The following SNED1 variants were observed in gnomAD, a reference collection of about 807,000 sequenced individuals.
SNED1 encodes the protein sushi, nidogen and EGF-like domain-containing protein 1.
Under a neutral mutation model 166.7 loss-of-function variants are expected in SNED1, and 81 were observed. That is an observed-to-expected ratio of 0.49 (90% CI 0.41 to 0.58). SNED1 has a LOEUF of 0.58. Ranked by LOEUF, SNED1 falls within the 20% of genes least tolerant of loss-of-function variation. The pLI is 0.00. For synonymous variants in SNED1, 762 were observed against 822.0 expected (o/e 0.93, Z 1.25); for missense variants, 1,604 against 2,000.2 (o/e 0.80, Z 3.78).
In SNED1 at chr2:241,091,366, G is replaced by A. The variant is rs912725572; in HGVS notation, c.*2-272G>A. ...TTTCACATTTAAAAGTTGCAATGCTGAGCCCACATGTTCCTAAAGATGGGG... is the reference window on the plus strand; with the variant it reads ...TTTCACATTTAAAAGTTGCAATGCTAAGCCCACATGTTCCTAAAGATGGGG... On this transcript the variant is annotated intron_variant, in intron 31 of 31. Transcript: ENST00000310397. This position sits in a 1 kb window ranked among gnomAD's most constrained non-coding sequence, Gnocchi z 4.1. Among the ~76,000 whole-genome samples, 3 of 151,896 alleles carry A rather than the reference G, an allele frequency of 2.0e-5. No individual in the cohort carries two copies. The highest frequency in any genetic ancestry group is 7.3e-5 in the African/African-American group (3 of 41,242).
At chr2:241,014,364 T>C (rs1341526186) in intron 1 of SNED1, among the ~76,000 whole-genome samples, 1 of 152,158 alleles carries the variant, frequency 6.6e-6, no homozygotes, top group African/African-American at 2.4e-5. Flanking sequence ...AAGTCCACAT[T>C]TGTGTCAAGT....
In SNED1 at chr2:241,094,182, G is replaced by A; in HGVS notation, c.*2546G>A. The A allele has an allele frequency of 2.5e-6, 1 of 392,884 alleles. No individual in the cohort carries two copies. Among genetic ancestry groups the A allele is most frequent in the South Asian group, 1.9e-5 (1 of 52,560 alleles). The allele number at this position is 392,884 out of a possible 1,614,324, so 24.3% of individuals were successfully genotyped here. ...ACTCTCCCTTTTCCCCATTGCGTGTGGGCTGCCAGGTACAAGTAAGGGAAT... is the reference window on the plus strand; with the variant it reads ...ACTCTCCCTTTTCCCCATTGCGTGTAGGCTGCCAGGTACAAGTAAGGGAAT... On this transcript the variant is annotated 3_prime_UTR_variant, in exon 32 of 32. Transcript: ENST00000310397. This position sits in a 1 kb window ranked among gnomAD's most constrained non-coding sequence, Gnocchi z 4.3.
intron 15 of SNED1, among the ~76,000 whole-genome samples, chr2:241,052,750 C>T (rs1474402316): frequency 5.0e-5 from 2 of 40,352 alleles, no homozygotes; most frequent in African/African-American, 9.9e-5. Flanking sequence ...GTGAGAGGGC[C>T]GGGGGGCCAA....
chr2:241,009,522 G>A (rs1206979035), intron 1 of SNED1, among the ~76,000 whole-genome samples: 1 of 152,148 alleles, frequency 6.6e-6, no homozygotes. Flanking sequence ...GGCTGTGAGG[G>A]CAGCAAGAGG....
At chr2:241,031,612 G>T (rs1048976459) in intron 2 of SNED1, among the ~76,000 whole-genome samples, 33 of 152,192 alleles carry the variant, frequency 2.2e-4, no homozygotes, top group African/African-American at 8.0e-4. Context: ...ACAGAAAGTG[G>T]ACAGTTCAGC....
At chr2:241,063,961 C>A in intron 18 of SNED1, 51 bp from the exon 19 acceptor site, 1 of 1,324,064 alleles carries the variant, frequency 7.6e-7, no homozygotes, top group Non-Finnish European at 1.1e-6. Flanking sequence ...TCTCCTCCCT[C>A]CCCCAGACTC....
chr2:241,090,091 T>C lies in SNED1; in HGVS notation c.*2-1547T>C, dbSNP rs562979308. On this transcript the variant is annotated intron_variant, in intron 31 of 31. Coordinates refer to ENST00000310397, the MANE Select transcript of SNED1 (RefSeq NM_001080437.3). ...AGCTTACTGTAACTTTTTTACTTTA[T>C]ACATTTTTAATTTTTACTTTTTAAC... 3.2e-4 allele frequency: 475 copies of C among 1,507,924 alleles called. 19 individuals are homozygous for C. In the South Asian group the frequency reaches 5.3e-3, roughly 17 times the overall value. 93.4% of individuals were successfully genotyped at this position (1,507,924 alleles called of 1,614,324 possible). A position where few individuals can be genotyped will look rare whatever the true frequency, so the allele number is the denominator to read the frequency against.
chr2:241,078,120 C>A (rs771545204), intron 27 of SNED1, among the ~76,000 whole-genome samples: 1 of 152,142 alleles, frequency 6.6e-6, no homozygotes, highest in Non-Finnish European at 1.5e-5. Context: ...CGCGGTGGCT[C>A]ACGCCTGTAA....
chr2:241,016,731 A>G (rs1301671263), intron 1 of SNED1, among the ~76,000 whole-genome samples: 1 of 152,070 alleles, frequency 6.6e-6, no homozygotes, highest in Non-Finnish European at 1.5e-5. Flanking sequence ...TGGTGATGCT[A>G]TATGGACCTA....
At chr2:241,050,478 C>T (rs969132815) in intron 12 of SNED1, among the ~76,000 whole-genome samples, 3 of 152,104 alleles carry the variant, frequency 2.0e-5, no homozygotes, top group Non-Finnish European at 4.4e-5. Flanking sequence ...GCTGCCTGAC[C>T]GCAGAGTGAC....
intron 1 of SNED1, among the ~76,000 whole-genome samples, chr2:241,001,334 T>C (rs546809386): frequency 9.8e-5 from 15 of 152,374 alleles, no homozygotes; most frequent in African/African-American, 3.6e-4. Context: ...GCTTCTTCTG[T>C]CTTCATCAGA....
intron 27 of SNED1, among the ~76,000 whole-genome samples, chr2:241,081,287 C>T (rs1041659699): frequency 2.0e-5 from 3 of 151,956 alleles, no homozygotes; most frequent in African/African-American, 7.3e-5. Context: ...AGGATCCAAG[C>T]AGCAGAAACC....
chr2:241,054,159 C>CT (rs2061969249), intron 16 of SNED1, among the ~76,000 whole-genome samples: 1 of 152,084 alleles, frequency 6.6e-6, no homozygotes, highest in Non-Finnish European at 1.5e-5. Context: ...TCCTGACTGT[C>CT]TTGGAGATGA....
chr2:241,043,328 A>G (rs142510256), intron 8 of SNED1, among the ~76,000 whole-genome samples: 1 of 152,340 alleles, frequency 6.6e-6, no homozygotes, highest in East Asian at 1.9e-4. Context: ...GTCAAAAACA[A>G]TGCAAGCCAG....
At chr2:241,071,244 C>T (rs1029686849) in intron 24 of SNED1, among the ~76,000 whole-genome samples, 21 of 152,300 alleles carry the variant, frequency 1.4e-4, no homozygotes, top group African/African-American at 5.1e-4. Flanking sequence ...AGCCTGGGAC[C>T]TGAGTCCGAG....
At chr2:241,057,305 G>A (rs2062077764) in intron 16 of SNED1, among the ~76,000 whole-genome samples, 1 of 150,720 alleles carries the variant, frequency 6.6e-6, no homozygotes, top group Non-Finnish European at 1.5e-5. Flanking sequence ...CTTGAACCTC[G>A]GAGGCGGAGG....
At chr2:241,014,761 T>C (rs959394402) in intron 1 of SNED1, among the ~76,000 whole-genome samples, 5 of 152,214 alleles carry the variant, frequency 3.3e-5, no homozygotes, top group African/African-American at 1.2e-4. Context: ...ATTCTCCATA[T>C]TGCTTTCCAA....
In SNED1 at chr2:241,075,137, C is replaced by G. The variant is rs934820757; in HGVS notation, c.3916+1773C>G. The G allele has an allele frequency of 6.6e-6, 1 of 152,134 alleles. No individual in the cohort carries two copies. Among genetic ancestry groups the G allele is most frequent in the African/African-American group, 2.4e-5 (1 of 41,412 alleles). The allele number at this position is 152,134 out of a possible 1,614,324, so 9.4% of individuals were successfully genotyped here. On this transcript the variant is annotated intron_variant, in intron 27 of 31. Coordinates refer to ENST00000310397, the MANE Select transcript of SNED1 (RefSeq NM_001080437.3). The surrounding 1 kb of genome is among the most constrained non-coding windows in gnomAD (Gnocchi z 4.8). ...CACAGAGTCCACTGAGTGAACTGAC[C>G]GGCTCTTCTCCCCTCTCTGTGCAGA... is the stretch of plus-strand genomic sequence containing the variant.
At chr2:241,084,989 C>T (rs377002941) in intron 29 of SNED1, among the ~76,000 whole-genome samples, 1 of 152,132 alleles carries the variant, frequency 6.6e-6, no homozygotes, top group African/African-American at 2.4e-5. Context: ...AAGAAGACTG[C>T]AGTCATTCTT....
Sources: allele counts gnomAD v4.1 joint callset (sites outside exome capture counted in the v4.1 genomes callset), GRCh38; gene constraint gnomAD v4.1.1; non-coding constraint Gnocchi (gnomAD v3.1); transcripts MANE v1.5; gene names NCBI Gene and HGNC (gene_info 2026-07-23, HGNC 2026-07-21).